The following DRC8 variants were observed in gnomAD, a reference collection of about 807,000 sequenced individuals.
The protein encoded by DRC8 is dynein regulatory complex subunit 8.
the DRC8 span, among the ~76,000 whole-genome samples, chr1:244,976,762 C>T: frequency 2.6e-4 from 39 of 152,254 alleles, no homozygotes; most frequent in Non-Finnish European, 5.0e-4. Flanking sequence ...GTTGAGTTAC[C>T]ATGTGACCCA....
chr1:244,978,983 A>G, the DRC8 span, among the ~76,000 whole-genome samples: 1 of 152,172 alleles, frequency 6.6e-6, no homozygotes, highest in Non-Finnish European at 1.5e-5. Flanking sequence ...CAATAATGTG[A>G]TAAGTGCTAT....
chr1:245,017,169 T>C, the DRC8 span: 505 of 1,399,704 alleles, frequency 3.6e-4, 3 homozygotes, highest in Middle Eastern at 8.9e-3. Flanking sequence ...AGATTGCTAG[T>C]CTGGTTATTA....
chr1:245,080,105 A>G, the DRC8 span, among the ~76,000 whole-genome samples: 1 of 152,196 alleles, frequency 6.6e-6, no homozygotes, highest in Non-Finnish European at 1.5e-5. Flanking sequence ...CATTTGGATG[A>G]TGGTGTGTTC....
chr1:244,992,805 G>C, the DRC8 span, among the ~76,000 whole-genome samples: 1 of 152,178 alleles, frequency 6.6e-6, no homozygotes. Context: ...GTGTCAGTTA[G>C]CTATTGCTCT....
At chr1:245,106,538 A>G in the DRC8 span, among the ~76,000 whole-genome samples, 1 of 151,882 alleles carries the variant, frequency 6.6e-6, no homozygotes, top group Non-Finnish European at 1.5e-5. Context: ...AATAATGTAT[A>G]TTTAAAAATA....
chr1:245,099,542 T>G, the DRC8 span, among the ~76,000 whole-genome samples: 1 of 152,186 alleles, frequency 6.6e-6, no homozygotes, highest in African/African-American at 2.4e-5. Flanking sequence ...TTCCCATTCC[T>G]GGCCCAGAGA....
chr1:245,073,416 A>G, the DRC8 span, among the ~76,000 whole-genome samples: 4 of 152,146 alleles, frequency 2.6e-5, no homozygotes, highest in Admixed American at 2.6e-4. Flanking sequence ...GATTACAGGC[A>G]TGAGCTACTG....
the DRC8 span, among the ~76,000 whole-genome samples, chr1:245,058,041 G>A: frequency 6.6e-6 from 1 of 152,044 alleles, no homozygotes; most frequent in Non-Finnish European, 1.5e-5. Flanking sequence ...TGTGCGATTT[G>A]TGTTGCCCTC....
the DRC8 span, among the ~76,000 whole-genome samples, chr1:245,032,115 A>T: frequency 6.6e-6 from 1 of 152,282 alleles, no homozygotes; most frequent in African/African-American, 2.4e-5. Context: ...CATCCATTTC[A>T]TCTTCATATA....
At chr1:245,090,856 G>A in the DRC8 span, among the ~76,000 whole-genome samples, 1 of 152,048 alleles carries the variant, frequency 6.6e-6, no homozygotes, top group Non-Finnish European at 1.5e-5. Flanking sequence ...TCTTAGAAAT[G>A]TTCCAGTTTA....
chr1:244,976,274 A>C, the DRC8 span, among the ~76,000 whole-genome samples: 3 of 144,448 alleles, frequency 2.1e-5, no homozygotes, highest in Non-Finnish European at 3.0e-5. Flanking sequence ...ATCTCAAAAC[A>C]AAAAAACAAA....
chr1:245,081,371 C>T, the DRC8 span, among the ~76,000 whole-genome samples: 1 of 152,066 alleles, frequency 6.6e-6, no homozygotes, highest in Non-Finnish European at 1.5e-5. Context: ...CCGTGTTAGC[C>T]AGGATGGTCT....
At chr1:245,099,784 T>C in the DRC8 span, among the ~76,000 whole-genome samples, 1 of 151,626 alleles carries the variant, frequency 6.6e-6, no homozygotes, top group Non-Finnish European at 1.5e-5. Flanking sequence ...CCATAAATCA[T>C]CCTGCCAGGC....
chr1:245,097,346 C>T, the DRC8 span, among the ~76,000 whole-genome samples: 1 of 152,030 alleles, frequency 6.6e-6, no homozygotes, highest in African/African-American at 2.4e-5. This position sits in a 1 kb window ranked among gnomAD's most constrained non-coding sequence, Gnocchi z 5.0. Context: ...CATGGCAAAA[C>T]CCCATCTCTA....
chr1:244,980,205 C>A, the DRC8 span, among the ~76,000 whole-genome samples: 1 of 135,710 alleles, frequency 7.4e-6, no homozygotes, highest in African/African-American at 2.9e-5. Context: ...GGCAACACAG[C>A]GAGACTCCGT....
At chr1:245,005,643 C>G in the DRC8 span, among the ~76,000 whole-genome samples, 1 of 152,068 alleles carries the variant, frequency 6.6e-6, no homozygotes, top group African/African-American at 2.4e-5. Context: ...GGCACCCGGC[C>G]TTATTGAGTT....
At chr1:244,981,669 G>A in the DRC8 span, among the ~76,000 whole-genome samples, 3 of 152,264 alleles carry the variant, frequency 2.0e-5, no homozygotes, top group Admixed American at 6.5e-5. Flanking sequence ...TTGACAAATT[G>A]GTGGAGGCTG....
the DRC8 span, among the ~76,000 whole-genome samples, chr1:245,102,664 G>C: frequency 6.6e-6 from 1 of 152,164 alleles, no homozygotes. Flanking sequence ...TTAAATCCCA[G>C]TGGCAGGAGT....
the DRC8 span, among the ~76,000 whole-genome samples, chr1:245,074,325 C>A: frequency 5.3e-5 from 8 of 152,174 alleles, no homozygotes; most frequent in African/African-American, 1.9e-4. Flanking sequence ...ATGATTGCTG[C>A]AACACTTGCT....
Sources: gnomAD v4.1 joint callset for allele counts (sites outside exome capture counted in the v4.1 genomes callset) on GRCh38, gnomAD v4.1.1 for gene constraint, Gnocchi (gnomAD v3.1) non-coding constraint, MANE v1.5 for transcripts, NCBI Gene and HGNC (gene_info 2026-07-23, HGNC 2026-07-21) for gene names.